Variants in DDX6 observed in about 807,000 individuals in gnomAD.
DDX6 encodes DEAD-box helicase 6, also known as probable ATP-dependent RNA helicase DDX6.
In DDX6, 7 loss-of-function variants were observed where a neutral mutation model predicts 60.6. The ratio of observed to expected loss-of-function variants is 0.12; its 90% confidence interval spans 0.07 to 0.22. DDX6 has a LOEUF of 0.22. Among genes scored for constraint, DDX6 ranks in the 10% least tolerant of loss-of-function variants. The probability of loss-of-function intolerance (pLI) is 1.00; values close to 1 mark genes in which losing one functional copy is unlikely to be tolerated. For synonymous variants in DDX6, 207 were observed against 201.0 expected, an observed-to-expected ratio of 1.03 and a Z score of -0.25; for missense variants, 270 against 589.9, an observed-to-expected ratio of 0.46 and a Z score of 5.62.
chr11:118,788,313 C>CAAA (rs1466836302), intron 1 of DDX6: 1 of 686 alleles, frequency 1.5e-3, no homozygotes, highest in Non-Finnish European at 2.4e-3. Flanking sequence ...TAAAAACAAA[C>CAAA]AAAGCAAACA....
intron 2 of DDX6, among the ~76,000 whole-genome samples, chr11:118,783,942 G>A (rs2508916): frequency 1.3e-5 from 2 of 151,072 alleles, no homozygotes; most frequent in East Asian, 1.9e-4. Context: ...ATGACAAAAC[G>A]CCGTCGCTAC....
chr11:118,762,738 G>C (rs1270906353), intron 7 of DDX6, among the ~76,000 whole-genome samples: 1 of 152,138 alleles, frequency 6.6e-6, no homozygotes, highest in Non-Finnish European at 1.5e-5. Flanking sequence ...GGGACCATCT[G>C]TACATGTACA....
intron 13 of DDX6, chr11:118,754,487 C>T (rs1286366458): frequency 2.2e-6 from 1 of 451,590 alleles, no homozygotes. Context: ...GCTAATCTAC[C>T]ACATTACCCG....
chr11:118,779,567 C>A, intron 4 of DDX6, 65 bp downstream of exon 4: 1 of 1,100,366 alleles, frequency 9.1e-7, no homozygotes, highest in Non-Finnish European at 1.3e-6. Context: ...TTCTGCAGAG[C>A]AAAAAGAAAA....
At chr11:118,783,440 C>T (rs932221956) in intron 2 of DDX6, among the ~76,000 whole-genome samples, 15 of 152,246 alleles carry the variant, frequency 9.9e-5, no homozygotes, top group African/African-American at 3.4e-4. Context: ...CTTCCCACCT[C>T]AGCCTCCCAA....
At position 118,747,862 on chromosome 11, in the gene DDX6, A is replaced by C. The variant is rs1182206371; in HGVS notation, c.*4243T>G. 2 of 149,064 alleles carry C rather than the reference A, an allele frequency of 1.3e-5. No homozygotes were observed. The highest frequency in any genetic ancestry group is 3.0e-5 in the Non-Finnish European group (2 of 67,640). 9.2% of individuals were successfully genotyped at this position (149,064 alleles called of 1,614,324 possible). A position where few individuals can be genotyped will look rare whatever the true frequency, so the allele number is the denominator to read the frequency against. On this transcript the variant is annotated 3_prime_UTR_variant, in exon 14 of 14. Coordinates refer to ENST00000534980, the MANE Select transcript of DDX6 (RefSeq NM_004397.6). ...AAACTCAGCAGACTCCGGTCCATAT[A>C]TGCGTACATACAACATAACACATCC...
Position 118,758,904 on chromosome 11 carries a change from T to TTG in DDX6, c.865-3_865-2insCA, listed in dbSNP as rs1565562541. 1 of 1,608,470 alleles carries TTG rather than the reference T, an allele frequency of 6.2e-7. No individual in the cohort carries two copies. The highest frequency in any genetic ancestry group is 8.5e-7 in the Non-Finnish European group (1 of 1,176,732). ...ATAGGGTTTCTGCAAATGGGAATTC[T>TTG]GGGGGGGGAGCGGGAAAAAGATGAG... On this transcript the variant is annotated splice_region_variant and splice_polypyrimidine_tract_variant and intron_variant, in intron 8 of 13. Coordinates refer to ENST00000534980, the MANE Select transcript of DDX6 (RefSeq NM_004397.6).
chr11:118,778,585 G>T (rs1861781789), intron 4 of DDX6, among the ~76,000 whole-genome samples: 1 of 152,144 alleles, frequency 6.6e-6, no homozygotes, highest in Non-Finnish European at 1.5e-5. Context: ...GTTGGAGGAG[G>T]AGGGTGGCCA....
chr11:118,751,079 A>ATG lies in DDX6; in HGVS notation c.*1025_*1026insCA, dbSNP rs1860749850. 7.5e-6 allele frequency: 1 copy of ATG among 133,936 alleles called. No homozygotes were observed. Among genetic ancestry groups the ATG allele is most frequent in the Non-Finnish European group, 1.6e-5 (1 of 63,844 alleles). 8.3% of individuals were successfully genotyped at this position (133,936 alleles called of 1,614,324 possible). Reference sequence around the variant, plus strand: ...AATATATATATATGTATATATATATATATATATGAACCCAGAAAAAAAACT... The same window carrying ATG: ...AATATATATATATGTATATATATATATGTATATATGAACCCAGAAAAAAAACT... On this transcript the variant is annotated 3_prime_UTR_variant, in exon 14 of 14. Coordinates refer to ENST00000534980, the MANE Select transcript of DDX6 (RefSeq NM_004397.6).
intron 2 of DDX6, among the ~76,000 whole-genome samples, chr11:118,783,237 A>G (rs958861232): frequency 6.6e-6 from 1 of 152,320 alleles, no homozygotes; most frequent in Non-Finnish European, 1.5e-5. Flanking sequence ...GGAAAACCAG[A>G]AAAGAAAAAT....
chr11:118,788,414 T>C (rs1208439460), intron 1 of DDX6: 1 of 152,254 alleles, frequency 6.6e-6, no homozygotes, highest in Non-Finnish European at 1.5e-5. Flanking sequence ...ATTGTATTTT[T>C]TGAGACAGAA....
At position 118,749,472 on chromosome 11, in the gene DDX6, A is replaced by G. The variant is rs1395020010; in HGVS notation, c.*2633T>C. On this transcript the variant is annotated 3_prime_UTR_variant, in exon 14 of 14. Transcript: ENST00000534980. ...ACCAAAACTGGACAGCTGCCTCTAC[A>G]AGACCGTGTCCAGTAGTGGTGTCCC... 1 of 151,640 alleles carries G rather than the reference A, an allele frequency of 6.6e-6. No homozygotes were observed. The highest frequency in any genetic ancestry group is 6.6e-5 in the Admixed American group (1 of 15,180). 9.4% of individuals were successfully genotyped at this position (151,640 alleles called of 1,614,324 possible). A position where few individuals can be genotyped will look rare whatever the true frequency, so the allele number is the denominator to read the frequency against.
Position 118,747,871 on chromosome 11 carries a change from T to C in DDX6, c.*4234A>G, listed in dbSNP as rs188952095. 2.1e-5 allele frequency: 3 copies of C among 142,562 alleles called. No homozygotes were observed. In the East Asian group the frequency reaches 6.5e-4, roughly 31 times the overall value. 8.8% of individuals were successfully genotyped at this position (142,562 alleles called of 1,614,324 possible). On this transcript the variant is annotated 3_prime_UTR_variant, in exon 14 of 14. Coordinates refer to ENST00000534980, the MANE Select transcript of DDX6 (RefSeq NM_004397.6). ...AGACTCCGGTCCATATATGCGTACA[T>C]ACAACATAACACATCCCAACAAAAA... is the stretch of plus-strand genomic sequence containing the variant.
rs782536326 is a variant in DDX6, at chr11:118,779,686, C to T, written c.315G>A (p.Arg105=). 12 of 1,612,312 alleles carry T rather than the reference C, an allele frequency of 7.4e-6. No individual in the cohort carries two copies. The highest frequency in any genetic ancestry group is 9.3e-6 in the Non-Finnish European group (11 of 1,179,118). Residue 105 remains arginine (R), a synonymous_variant, in exon 4 of 14, where the codon CGG becomes CGA. Coordinates refer to ENST00000534980, the MANE Select transcript of DDX6 (RefSeq NM_004397.6). ...GNEFEDYCLK[R]ELLMGIFEMG... Reference sequence around the variant, plus strand: ...TTTCAAAAATTCCCATCAGTAACTCCCGTTTCAAACAGTAATCTTCAAACT... The same window carrying T: ...TTTCAAAAATTCCCATCAGTAACTCTCGTTTCAAACAGTAATCTTCAAACT...
Position 118,767,192 on chromosome 11 carries a change from C to T in DDX6, c.499+1031G>A, listed in dbSNP as rs973745175. Among the ~76,000 whole-genome samples the T allele has an allele frequency of 2.0e-5, 3 of 152,212 alleles. 1 individual carries two copies. Among genetic ancestry groups the T allele is most frequent in the Middle Eastern group, 3.4e-3 (1 of 294 alleles). ...CGTGAGCCACCACACCCAGCCAATA[C>T]TGTTCTTAATTACAAACTTTCAGCA... On this transcript the variant is annotated intron_variant, in intron 5 of 13. Transcript: ENST00000534980.
intron 4 of DDX6, among the ~76,000 whole-genome samples, chr11:118,779,107 G>C (rs919938545): frequency 1.5e-5 from 2 of 136,350 alleles, no homozygotes; most frequent in Non-Finnish European, 3.0e-5. Flanking sequence ...AGTGAGCCGA[G>C]ATCAGGCCAC....
At chr11:118,785,946 G>A in intron 2 of DDX6, 106 bp downstream of exon 2, 2 of 1,027,112 alleles carry the variant, frequency 1.9e-6, no homozygotes, top group East Asian at 2.6e-5. Flanking sequence ...CCTCTATTTG[G>A]AATCAAAATG....
Position 118,748,696 on chromosome 11 carries a change from G to A in DDX6, c.*3409C>T, listed in dbSNP as rs1388553512. On this transcript the variant is annotated 3_prime_UTR_variant, in exon 14 of 14. Transcript: ENST00000534980. ...CTTCCAAAGTGTTTCTAAATCCTTA[G>A]TGCAGACACCCTCCCTTCTGGGGCA... The A allele has an allele frequency of 1.3e-5, 2 of 151,756 alleles. No individual in the cohort carries two copies. The highest frequency in any genetic ancestry group is 4.8e-5 in the African/African-American group (2 of 41,292). 9.4% of individuals were successfully genotyped at this position (151,756 alleles called of 1,614,324 possible).
chr11:118,780,114 CAAAAAAAAAAAAA>C (rs71044492), intron 3 of DDX6, among the ~76,000 whole-genome samples: 9 of 40,286 alleles, frequency 2.2e-4, no homozygotes, highest in Non-Finnish European at 2.1e-4. Context: ...GACTCTATCT[CAAAAAAAAAAAAA>C]AAAAAAAAAA....
Sources: gnomAD v4.1 joint callset for allele counts (sites outside exome capture counted in the v4.1 genomes callset) on GRCh38, gnomAD v4.1.1 for gene constraint, MANE v1.5 for transcripts, NCBI Gene and HGNC (gene_info 2026-07-23, HGNC 2026-07-21) for gene names.